Variants in CSMD1 observed in about 807,000 individuals in gnomAD.
CSMD1 encodes CUB and Sushi multiple domains 1, also known as CUB and sushi domain-containing protein 1.
Under a neutral mutation model 417.5 loss-of-function variants are expected in CSMD1, and 213 were observed. The ratio of observed to expected loss-of-function variants is 0.51; its 90% CI spans 0.46 to 0.57. The LOEUF is 0.57. Ranked by LOEUF, CSMD1 falls within the 20% of genes least tolerant of loss-of-function variation. CSMD1 has a pLI of 0.00. For missense variants in CSMD1, 6,923 were observed against 4,529.7 expected, an observed-to-expected ratio of 1.53 and a Z score of -15.17; for synonymous variants, 2,862 against 1,736.8, an observed-to-expected ratio of 1.65 and a Z score of -16.11.
At chr8:3,117,413 T>C (rs927694458) in intron 42 of CSMD1, among the ~76,000 whole-genome samples, 1 of 152,234 alleles carries the variant, frequency 6.6e-6, no homozygotes, top group African/African-American at 2.4e-5. Flanking sequence ...CCTACTGATA[T>C]GCTTCTTTTA....
chr8:4,283,881 A>C (rs1334967310), intron 3 of CSMD1, among the ~76,000 whole-genome samples: 1 of 152,170 alleles, frequency 6.6e-6, no homozygotes, highest in East Asian at 1.9e-4. Flanking sequence ...GTCTTTCTCC[A>C]TGTCTTATAC....
chr8:4,430,612 G>C (rs1035882483), intron 2 of CSMD1, among the ~76,000 whole-genome samples: 2 of 152,008 alleles, frequency 1.3e-5, no homozygotes, highest in Non-Finnish European at 2.9e-5. Context: ...AGTTTGTCAA[G>C]AATTCAACTG....
intron 44 of CSMD1, among the ~76,000 whole-genome samples, 158 bp from the exon 45 acceptor site, chr8:3,107,956 T>A (rs1262435228): frequency 1.3e-5 from 2 of 152,222 alleles, no homozygotes; most frequent in Non-Finnish European, 2.9e-5. Context: ...TTCCCAAGCT[T>A]CAAATGTTCA....
chr8:4,005,893 C>T (rs191832956), intron 4 of CSMD1, among the ~76,000 whole-genome samples: 2 of 152,286 alleles, frequency 1.3e-5, no homozygotes, highest in East Asian at 3.9e-4. Flanking sequence ...GCCAAAATCA[C>T]TGGGAATTGG....
chr8:3,174,039 T>C (rs1820750196), intron 37 of CSMD1, among the ~76,000 whole-genome samples: 1 of 152,180 alleles, frequency 6.6e-6, no homozygotes, highest in African/African-American at 2.4e-5. Flanking sequence ...GAAATGGAGC[T>C]CATACATCAG....
At chr8:4,487,660 A>G (rs560128254) in intron 2 of CSMD1, among the ~76,000 whole-genome samples, 58 of 152,374 alleles carry the variant, frequency 3.8e-4, no homozygotes, top group African/African-American at 1.3e-3. Context: ...TTTCAAAAAA[A>G]GGATTTTTCT....
rs567261738 is a variant in CSMD1 at position 4,037,946 on chromosome 8, T to G, written c.416-5847A>C. 1.1e-3 allele frequency among the ~76,000 whole-genome samples: 173 copies of G among 152,304 alleles called. 1 individual carries two copies. The highest frequency in any genetic ancestry group is 4.1e-3 in the African/African-American group (171 of 41,588). ...GAAAAAAAGTTTTTCAAAATTCAGTTGGACAAAATGTTATTTTAGAAACAA... is the reference window on the plus strand; with the variant it reads ...GAAAAAAAGTTTTTCAAAATTCAGTGGGACAAAATGTTATTTTAGAAACAA... On this transcript the variant is annotated intron_variant, in intron 3 of 69. Transcript: ENST00000635120.
Position 3,445,305 on chromosome 8 carries a change from G to A in CSMD1, c.1561+23407C>T, listed in dbSNP as rs567501064. Among the ~76,000 whole-genome samples the A allele has an allele frequency of 2.6e-5, 4 of 152,216 alleles. No individual in the cohort carries two copies. In the South Asian group the frequency reaches 6.2e-4, roughly 24 times the overall value. ...TTTTGGGGACGTCACTAAGGTAAGG[G>A]TACTAATATATCCTGGGTACCTATC... On this transcript the variant is annotated intron_variant, in intron 12 of 69. Transcript: ENST00000635120.
chr8:4,605,052 T>A (rs1800793464), intron 2 of CSMD1, among the ~76,000 whole-genome samples: 1 of 152,156 alleles, frequency 6.6e-6, no homozygotes, highest in African/African-American at 2.4e-5. Flanking sequence ...GCCACCAAAG[T>A]CCTATCTAAC....
chr8:4,359,065 T>C (rs1471876621), intron 3 of CSMD1, among the ~76,000 whole-genome samples: 2 of 152,108 alleles, frequency 1.3e-5, no homozygotes, highest in South Asian at 2.1e-4. Flanking sequence ...GTGATACGAA[T>C]GAAGTATTCC....
chr8:3,561,222 T>C (rs11997492), intron 10 of CSMD1, among the ~76,000 whole-genome samples: 113,398 of 152,112 alleles, frequency 0.75, 42,728 homozygotes, highest in Non-Finnish European at 0.81. Context: ...GAAAACAGTA[T>C]GGAAGTTTCT....
intron 5 of CSMD1, among the ~76,000 whole-genome samples, chr8:3,811,804 C>A (rs573987626): frequency 2.6e-5 from 4 of 152,316 alleles, no homozygotes; most frequent in East Asian, 3.9e-4. Context: ...TATGTCTACA[C>A]TGCTTCAGCA....
Position 3,262,077 on chromosome 8 carries a change from C to G in CSMD1, c.4153+22067G>C, listed in dbSNP as rs1204378072. Among the ~76,000 whole-genome samples the G allele has an allele frequency of 3.3e-5, 5 of 151,186 alleles. 1 individual carries two copies. In the South Asian group the frequency reaches 6.3e-4, roughly 19 times the overall value. On this transcript the variant is annotated intron_variant, in intron 26 of 69. Coordinates refer to ENST00000635120, the MANE Select transcript of CSMD1 (RefSeq NM_033225.6). ...GATCTATGATTACCCCAAAGTAAAA[C>G]AAGTTCAATTAAAAAAGTAAAGGTT...
At chr8:3,805,274 A>G (rs1800668321) in intron 5 of CSMD1, among the ~76,000 whole-genome samples, 1 of 152,218 alleles carries the variant, frequency 6.6e-6, no homozygotes, top group South Asian at 2.1e-4. Flanking sequence ...GGGCATCAGC[A>G]TCGCAGAGGA....
chr8:3,161,505 T>A (rs901808416), intron 38 of CSMD1, among the ~76,000 whole-genome samples: 1 of 151,378 alleles, frequency 6.6e-6, no homozygotes, highest in African/African-American at 2.4e-5. Context: ...TAATACCAGC[T>A]ACTTGGGAGG....
At chr8:3,082,956 T>G (rs1415639593) in intron 49 of CSMD1, among the ~76,000 whole-genome samples, 4 of 152,204 alleles carry the variant, frequency 2.6e-5, no homozygotes, top group African/African-American at 9.6e-5. Flanking sequence ...TGAAAACTTC[T>G]GTGCTGATTT....
intron 10 of CSMD1, among the ~76,000 whole-genome samples, chr8:3,539,471 T>C (rs1798347867): frequency 6.6e-6 from 1 of 152,180 alleles, no homozygotes. Flanking sequence ...CTAATCTGCA[T>C]CTCCAGAGCC....
At chr8:4,950,936 C>A (rs1808703121) in intron 1 of CSMD1, among the ~76,000 whole-genome samples, 1 of 151,488 alleles carries the variant, frequency 6.6e-6, no homozygotes, top group Non-Finnish European at 1.5e-5. Flanking sequence ...AATAACTGAC[C>A]AATTACAAAA....
intron 6 of CSMD1, among the ~76,000 whole-genome samples, chr8:3,714,455 G>A (rs983540422): frequency 1.3e-5 from 2 of 149,860 alleles, no homozygotes; most frequent in East Asian, 2.0e-4. Flanking sequence ...AGGCATGGTG[G>A]TTCACATCTG....
Sources: allele counts gnomAD v4.1 joint callset (sites outside exome capture counted in the v4.1 genomes callset), GRCh38; gene constraint gnomAD v4.1.1; transcripts MANE v1.5; gene names NCBI Gene and HGNC (gene_info 2026-07-23, HGNC 2026-07-21).